The following PLCH1 variants were observed in gnomAD, a reference collection of about 807,000 sequenced individuals.
PLCH1 encodes 1-phosphatidylinositol 4,5-bisphosphate phosphodiesterase eta-1.
In PLCH1, 60 loss-of-function variants were observed where a neutral mutation model predicts 126.7. That is an observed-to-expected ratio of 0.47 (90% CI 0.38 to 0.59). The LOEUF (loss-of-function observed/expected upper bound fraction) is 0.59. Among genes scored for constraint, PLCH1 ranks in the 20% least tolerant of loss-of-function variants. The probability of loss-of-function intolerance (pLI) is 0.00; values close to 1 mark genes in which losing one functional copy is unlikely to be tolerated. For synonymous variants in PLCH1, 719 were observed against 734.9 expected (o/e 0.98, Z 0.35); for missense variants, 1,723 against 2,040.0 (o/e 0.84, Z 2.99).
chr3:155,476,169 T>C (rs1023118931), downstream of PLCH1, among the ~76,000 whole-genome samples: 1 of 152,148 alleles, frequency 6.6e-6, no homozygotes, highest in Non-Finnish European at 1.5e-5. Flanking sequence ...TCAATCAGTA[T>C]GATACATCAT....
At chr3:155,577,383 T>G (rs2108568816) in intron 6 of PLCH1, among the ~76,000 whole-genome samples, 2 of 150,074 alleles carry the variant, frequency 1.3e-5, no homozygotes, top group African/African-American at 2.4e-5. Flanking sequence ...TTTTCCATTG[T>G]TTTTTTTTTC....
chr3:155,472,009 T>G (rs1283089221), intron 21 of PLCH1, among the ~76,000 whole-genome samples: 1 of 151,660 alleles, frequency 6.6e-6, no homozygotes, highest in Admixed American at 6.6e-5. Flanking sequence ...AACATCACAA[T>G]TAAAAGAACT....
intron 2 of PLCH1, among the ~76,000 whole-genome samples, chr3:155,632,088 A>G (rs975428902): frequency 1.3e-5 from 2 of 152,170 alleles, no homozygotes; most frequent in Non-Finnish European, 2.9e-5. Context: ...GACATCTTTC[A>G]GTAGTTTCAC....
intron 4 of PLCH1, among the ~76,000 whole-genome samples, chr3:155,591,617 A>G (rs990542562): frequency 2.0e-5 from 3 of 152,226 alleles, no homozygotes; most frequent in Non-Finnish European, 2.9e-5. Context: ...TTAACATGCA[A>G]CAGAGTTTAT....
At chr3:155,573,496 A>T (rs573204883) in intron 6 of PLCH1, among the ~76,000 whole-genome samples, 1 of 152,326 alleles carries the variant, frequency 6.6e-6, no homozygotes, top group Non-Finnish European at 1.5e-5. Context: ...GCATCTGGTT[A>T]CTTGCCAGAT....
intron 2 of PLCH1, among the ~76,000 whole-genome samples, chr3:155,652,500 C>T (rs900909455): frequency 7.9e-5 from 12 of 152,058 alleles, no homozygotes; most frequent in Non-Finnish European, 1.8e-4. Context: ...GTGTGTGGGA[C>T]CTTGTTGAAC....
chr3:155,740,396 G>A (rs1376566873), intron 1 of PLCH1, among the ~76,000 whole-genome samples: 1 of 129,654 alleles, frequency 7.7e-6, no homozygotes, highest in Non-Finnish European at 1.6e-5. Context: ...GATAGAGAGA[G>A]ACTCTGTCTC....
intron 2 of PLCH1, among the ~76,000 whole-genome samples, chr3:155,596,725 G>A (rs2108656255): frequency 6.6e-6 from 1 of 152,260 alleles, no homozygotes; most frequent in African/African-American, 2.4e-5. Flanking sequence ...GATAAGTCTT[G>A]TGAGTTTTTA....
intron 10 of PLCH1, among the ~76,000 whole-genome samples, chr3:155,541,029 A>G (rs911346008): frequency 3.3e-5 from 5 of 152,218 alleles, no homozygotes; most frequent in Admixed American, 6.5e-5. Flanking sequence ...AATGTGGTAT[A>G]CATATATACA....
chr3:155,522,390 T>G (rs1276912108), intron 11 of PLCH1, among the ~76,000 whole-genome samples: 1 of 152,248 alleles, frequency 6.6e-6, no homozygotes, highest in Admixed American at 6.5e-5. Context: ...CATAGCCCTA[T>G]TAATTAATGG....
intron 6 of PLCH1, among the ~76,000 whole-genome samples, chr3:155,576,340 A>T (rs1729948224): frequency 6.6e-6 from 1 of 152,218 alleles, no homozygotes. Context: ...GATGAAAGGA[A>T]GAGAAGAAAG....
intron 10 of PLCH1, among the ~76,000 whole-genome samples, chr3:155,528,202 C>T (rs146876305): frequency 0.023 from 3,162 of 137,476 alleles, 50 homozygotes; most frequent in East Asian, 0.089. Flanking sequence ...CCAGCCTGGG[C>T]GACAGAGCGA....
At chr3:155,651,463 G>A (rs1740703753) in intron 2 of PLCH1, among the ~76,000 whole-genome samples, 3 of 152,058 alleles carry the variant, frequency 2.0e-5, no homozygotes, top group South Asian at 2.1e-4. Context: ...CAAGTTGGGG[G>A]GTTGGAGGGG....
intron 1 of PLCH1, among the ~76,000 whole-genome samples, chr3:155,711,210 T>C (rs1471354078): frequency 6.6e-6 from 1 of 152,072 alleles, no homozygotes; most frequent in Non-Finnish European, 1.5e-5. Flanking sequence ...ATGCAGCAAA[T>C]GGACTAAAAG....
chr3:155,576,652 G>A (rs1385026118), intron 6 of PLCH1, among the ~76,000 whole-genome samples: 1 of 152,100 alleles, frequency 6.6e-6, no homozygotes, highest in Non-Finnish European at 1.5e-5. Context: ...CCAATCTTAT[G>A]TTATCAGAAG....
At chr3:155,499,433 C>A (rs1717560879) in intron 14 of PLCH1, among the ~76,000 whole-genome samples, 1 of 152,106 alleles carries the variant, frequency 6.6e-6, no homozygotes, top group Non-Finnish European at 1.5e-5. Flanking sequence ...TGAAGTCATG[C>A]CTAGAAATTA....
intron 1 of PLCH1, among the ~76,000 whole-genome samples, chr3:155,741,269 C>G (rs1188621797): frequency 6.6e-6 from 1 of 152,130 alleles, no homozygotes; most frequent in Non-Finnish European, 1.5e-5. Flanking sequence ...CTGGAATAAG[C>G]CCCTGCTAGT....
intron 21 of PLCH1, among the ~76,000 whole-genome samples, chr3:155,463,520 G>T (rs1027143539): frequency 6.6e-6 from 1 of 152,056 alleles, no homozygotes; most frequent in Non-Finnish European, 1.5e-5. Flanking sequence ...GAATAACCTT[G>T]CTCAGCTACT....
At position 155,574,436 on chromosome 3, in the gene PLCH1, G is replaced by A. The variant is rs1432436781; in HGVS notation, c.772-6112C>T. On this transcript the variant is annotated intron_variant, in intron 6 of 22. Transcript: ENST00000460012. ...TCCCCTGGGCAAATGGAGTTGCTTC[G>A]AGGCTTCTCACTCTATGAGATTGAA... is the stretch of plus-strand genomic sequence containing the variant. Among the ~76,000 whole-genome samples, 8 of 152,112 alleles carry A rather than the reference G, an allele frequency of 5.3e-5. 1 individual carries two copies. The highest frequency in any genetic ancestry group is 4.6e-4 in the Admixed American group (7 of 15,276).
Sources: gnomAD v4.1 joint callset for allele counts (sites outside exome capture counted in the v4.1 genomes callset) on GRCh38, gnomAD v4.1.1 for gene constraint, MANE v1.5 for transcripts, NCBI Gene and HGNC (gene_info 2026-07-23, HGNC 2026-07-21) for gene names.